The following KDM6A variants were observed in gnomAD, a reference collection of about 807,000 sequenced individuals.
KDM6A encodes the protein lysine demethylase 6A.
A neutral mutation model predicts 117.6 loss-of-function variants in KDM6A; 11 were observed. The ratio of observed to expected loss-of-function variants is 0.09; its 90% CI spans 0.06 to 0.15. KDM6A has a LOEUF of 0.15. Among genes scored for constraint, KDM6A ranks in the 10% least tolerant of loss-of-function variants. The pLI is 1.00. For missense variants in KDM6A, 799 were observed against 1,077.3 expected, an observed-to-expected ratio of 0.74 and a Z score of 3.62; for synonymous variants, 384 against 396.1, an observed-to-expected ratio of 0.97 and a Z score of 0.36.
chrX:45,005,879 TC>T (rs1309934443), intron 4 of KDM6A, among the ~76,000 whole-genome samples: 1 of 105,919 alleles, frequency 9.4e-6, no homozygotes. Context: ...CGTGTGAAGT[TC>T]AGTCCCCTCC....
intron 2 of KDM6A, among the ~76,000 whole-genome samples, chrX:44,950,301 G>GA (rs2037916017): frequency 9.0e-6 from 1 of 111,607 alleles, no homozygotes; most frequent in Admixed American, 9.5e-5. Context: ...TTACAGGCGT[G>GA]AGCCCCTGCG....
intron 2 of KDM6A, among the ~76,000 whole-genome samples, chrX:44,914,212 G>A (rs953494749): frequency 4.5e-5 from 5 of 111,937 alleles, no homozygotes; most frequent in Admixed American, 1.9e-4. Flanking sequence ...TGTTTTGGGG[G>A]AGTCAAAAGT....
At chrX:44,898,798 C>G (rs1487371268) in intron 2 of KDM6A, among the ~76,000 whole-genome samples, 1 of 110,188 alleles carries the variant, frequency 9.1e-6, no homozygotes, top group East Asian at 2.9e-4. Flanking sequence ...CCTGTTTTGT[C>G]TTGCCAACAC....
At chrX:44,973,633 T>C (rs988140992) in intron 3 of KDM6A, among the ~76,000 whole-genome samples, 1 of 111,677 alleles carries the variant, frequency 9.0e-6, no homozygotes, top group Admixed American at 9.5e-5. Context: ...GTCATAGCCT[T>C]CTTTTCTGGG....
intron 29 of KDM6A, 22 bp downstream of exon 29, chrX:45,110,271 GTACA>G (rs1368249458): frequency 8.5e-7 from 1 of 1,169,774 alleles, no homozygotes; most frequent in African/African-American, 1.8e-5. Context: ...CAACATGTGA[GTACA>G]TAGTTAGCTG....
chrX:45,027,187 A>C (rs1208887164), intron 6 of KDM6A, among the ~76,000 whole-genome samples: 1 of 108,777 alleles, frequency 9.2e-6, no homozygotes, highest in Non-Finnish European at 1.9e-5. Context: ...AGATAATGAA[A>C]GTTTAGGGCT....
chrX:45,085,800 A>G (rs771273724), intron 24 of KDM6A, 65 bp from the exon 25 acceptor site: 18 of 606,090 alleles, frequency 3.0e-5, no homozygotes, highest in Non-Finnish European at 4.3e-5. Context: ...TTTTTTCTGT[A>G]TAAGTACCGT....
At position 45,069,951 on chromosome X, in the gene KDM6A, G is replaced by C. The variant is rs2148046259; in HGVS notation, c.2452G>C (p.Asp818His). The C allele has an allele frequency of 5.8e-6, 7 of 1,211,903 alleles. No individual in the cohort carries two copies. Among genetic ancestry groups the C allele is most frequent in the Non-Finnish European group, 7.8e-6 (7 of 895,544 alleles). Residue 818 changes from aspartate (D) to histidine (H), a missense_variant, in exon 18 of 30, where the codon GAT (aspartate) becomes CAT (histidine). Coordinates refer to ENST00000611820, the MANE Select transcript of KDM6A (RefSeq NM_001291415.2). ...TGCTGTTTGCAGTCCTAGCCATGGAGATTCTAAGTCACCAGGTTTACTAAG... is the reference window on the plus strand; with the variant it reads ...TGCTGTTTGCAGTCCTAGCCATGGACATTCTAAGTCACCAGGTTTACTAAG... ...ADAVCSPSHG[D>H]SKSPGLLSSD...
intron 2 of KDM6A, among the ~76,000 whole-genome samples, chrX:44,904,728 T>A (rs1032938301): frequency 6.2e-5 from 7 of 112,086 alleles, no homozygotes; most frequent in Non-Finnish European, 1.3e-4. Flanking sequence ...CTCCCTCTGC[T>A]GGCTTTTCAG....
chrX:45,107,007 C>T (rs1296431140), intron 27 of KDM6A: 1 of 178,397 alleles, frequency 5.6e-6, no homozygotes, highest in African/African-American at 3.2e-5. Context: ...TGCCTTCCTG[C>T]CTTACTAGAA....
intron 2 of KDM6A, among the ~76,000 whole-genome samples, chrX:44,881,082 A>C (rs920012613): frequency 2.7e-5 from 3 of 111,996 alleles, no homozygotes; most frequent in Non-Finnish European, 5.6e-5. Flanking sequence ...TTAGCATTTC[A>C]TTGCTGACTT....
chrX:45,049,791 G>A (rs2043750980), intron 8 of KDM6A, among the ~76,000 whole-genome samples: 3 of 112,037 alleles, frequency 2.7e-5, no homozygotes, highest in African/African-American at 6.5e-5. Context: ...ATATGCGCTC[G>A]TTCTTCCTCT....
At chrX:45,097,846 C>G (rs1456581953) in intron 27 of KDM6A, among the ~76,000 whole-genome samples, 1 of 111,849 alleles carries the variant, frequency 8.9e-6, no homozygotes, top group Non-Finnish European at 1.9e-5. Context: ...TACAACCTAG[C>G]CATTTTGCTA....
chrX:45,083,233 A>G (rs2045499970), intron 23 of KDM6A, among the ~76,000 whole-genome samples: 1 of 111,996 alleles, frequency 8.9e-6, no homozygotes, highest in Non-Finnish European at 1.9e-5. Flanking sequence ...TTGTACAACT[A>G]TTAAAATAGT....
At chrX:45,068,562 A>T (rs773960483) in intron 17 of KDM6A, among the ~76,000 whole-genome samples, 3,220 of 57,863 alleles carry the variant, frequency 0.056, 84 homozygotes, top group Middle Eastern at 0.11. Context: ...CTTTTTTTTT[A>T]AAAAAAAAAA....
chrX:45,069,690 C>G lies in KDM6A; in HGVS notation c.2191C>G (p.Gln731Glu), dbSNP rs1166892493. Residue 731 changes from glutamine to glutamate, a missense_variant, in exon 18 of 30, where the codon CAG (glutamine) becomes GAG (glutamate). Physicochemically the swap from Gln to Glu is conservative, Grantham distance 29. Transcript: ENST00000611820. ...GGCAGCTGGCTCTGGTATTCAGAATCAGAACGGACATCCCACCCTGCCTAG... is the reference window on the plus strand; with the variant it reads ...GGCAGCTGGCTCTGGTATTCAGAATGAGAACGGACATCCCACCCTGCCTAG... The part of the protein sequence containing the change: ...LQAAGSGIQN[Q>E]NGHPTLPSNS... 1 of 1,207,992 alleles carries G rather than the reference C, an allele frequency of 8.3e-7. No homozygotes were observed. The highest frequency in any genetic ancestry group is 1.1e-6 in the Non-Finnish European group (1 of 894,311).
chrX:45,083,954 A>G (rs961365632), intron 24 of KDM6A, among the ~76,000 whole-genome samples: 1 of 112,208 alleles, frequency 8.9e-6, no homozygotes, highest in East Asian at 2.8e-4. Context: ...AAGTAACAAT[A>G]AAAAGTATGT....
At chrX:44,911,138 C>T (rs1172214343) in intron 2 of KDM6A, among the ~76,000 whole-genome samples, 3 of 105,848 alleles carry the variant, frequency 2.8e-5, no homozygotes, top group African/African-American at 1.0e-4. Flanking sequence ...GCCCCCACCT[C>T]CCTCCCGGAC....
intron 17 of KDM6A, among the ~76,000 whole-genome samples, chrX:45,064,179 G>C (rs1239278825): frequency 8.9e-6 from 1 of 112,068 alleles, no homozygotes; most frequent in Non-Finnish European, 1.9e-5. Flanking sequence ...CTAGGTGTTA[G>C]GTATTTGCTT....
Sources: allele counts gnomAD v4.1 joint callset (sites outside exome capture counted in the v4.1 genomes callset), GRCh38; gene constraint gnomAD v4.1.1; transcripts MANE v1.5; gene names NCBI Gene and HGNC (gene_info 2026-07-23, HGNC 2026-07-21).